Variants in STAG1 observed in about 807,000 individuals in gnomAD.
STAG1 encodes cohesin subunit SA-1.
Under a neutral mutation model 170.9 loss-of-function variants are expected in STAG1, and 26 were observed. That is an observed-to-expected ratio of 0.15 (90% CI 0.11 to 0.21). The LOEUF is 0.21. Among genes scored for constraint, STAG1 ranks in the 10% least tolerant of loss-of-function variants. The pLI, the probability that STAG1 is intolerant of heterozygous loss-of-function variation, is 1.00. For synonymous variants in STAG1, 514 were observed against 497.7 expected, an observed-to-expected ratio of 1.03 and a Z score of -0.44; for missense variants, 964 against 1,509.5, an observed-to-expected ratio of 0.64 and a Z score of 5.99.
intron 5 of STAG1, among the ~76,000 whole-genome samples, chr3:136,563,576 C>T (rs758222770): frequency 3.3e-5 from 5 of 150,206 alleles, no homozygotes; most frequent in South Asian, 4.2e-4. Context: ...TAACCAATCT[C>T]GTTACCGTCA....
chr3:136,476,104 G>C (rs771742688), intron 10 of STAG1, among the ~76,000 whole-genome samples: 2 of 152,158 alleles, frequency 1.3e-5, no homozygotes, highest in Admixed American at 6.5e-5. Flanking sequence ...TGAAAATATG[G>C]CTCATGCCCA....
intron 1 of STAG1, among the ~76,000 whole-genome samples, chr3:136,640,740 T>C (rs1940762305): frequency 1.3e-5 from 2 of 150,596 alleles, no homozygotes; most frequent in Non-Finnish European, 1.5e-5. Context: ...TGGCGCGATT[T>C]TGGCTTGCTG....
At chr3:136,526,269 C>G (rs996934540) in intron 6 of STAG1, among the ~76,000 whole-genome samples, 1 of 152,172 alleles carries the variant, frequency 6.6e-6, no homozygotes, top group African/African-American at 2.4e-5. Context: ...CCTTATGAAT[C>G]TGGGTGCTCC....
intron 7 of STAG1, among the ~76,000 whole-genome samples, chr3:136,520,256 T>C (rs1034735895): frequency 1.3e-5 from 2 of 152,136 alleles, no homozygotes; most frequent in African/African-American, 4.8e-5. Flanking sequence ...ACAAGCTCTG[T>C]AGGTGATTCT....
At chr3:136,744,785 C>A (rs1369030553) in intron 1 of STAG1, among the ~76,000 whole-genome samples, 1 of 151,012 alleles carries the variant, frequency 6.6e-6, no homozygotes, top group African/African-American at 2.4e-5. Flanking sequence ...AAGCAATTCT[C>A]GTGCCTCAGC....
At chr3:136,448,610 A>G (rs2088851718) in intron 14 of STAG1, among the ~76,000 whole-genome samples, 5 of 152,174 alleles carry the variant, frequency 3.3e-5, no homozygotes, top group Admixed American at 3.3e-4. Context: ...GGGTGGGGAC[A>G]GGGCCAAACC....
intron 1 of STAG1, among the ~76,000 whole-genome samples, chr3:136,703,930 T>C (rs550867615): frequency 6.6e-6 from 1 of 151,990 alleles, no homozygotes; most frequent in African/African-American, 2.4e-5. Context: ...GAGAATCGCT[T>C]GAACCTGGGA....
At chr3:136,598,401 A>T (rs1338033912) in intron 4 of STAG1, among the ~76,000 whole-genome samples, 1 of 151,806 alleles carries the variant, frequency 6.6e-6, no homozygotes, top group South Asian at 2.1e-4. Context: ...ACAACTCTGT[A>T]TATCTCCTCT....
chr3:136,686,083 G>C (rs1056563294), intron 1 of STAG1, among the ~76,000 whole-genome samples: 1 of 152,160 alleles, frequency 6.6e-6, no homozygotes, highest in African/African-American at 2.4e-5. Context: ...GGTTTTAGCA[G>C]CTACTAGGCA....
chr3:136,396,989 G>A (rs1157767161), intron 22 of STAG1, among the ~76,000 whole-genome samples: 4 of 152,056 alleles, frequency 2.6e-5, no homozygotes, highest in African/African-American at 9.7e-5. Flanking sequence ...CTTTCTAAAT[G>A]CAGAGATCCT....
At chr3:136,341,606 T>C in intron 30 of STAG1, 55 bp from the exon 31 acceptor site, 2 of 1,216,392 alleles carry the variant, frequency 1.6e-6, no homozygotes, top group Non-Finnish European at 1.2e-6. Context: ...ATTTAGCTAA[T>C]GAGCCCCAAG....
intron 15 of STAG1, among the ~76,000 whole-genome samples, chr3:136,438,315 C>G (rs1328246875): frequency 6.6e-6 from 1 of 150,408 alleles, no homozygotes; most frequent in African/African-American, 2.4e-5. Context: ...TCTTGCCTGC[C>G]GGGTTCCTGT....
At chr3:136,647,815 C>T (rs1250489959) in intron 1 of STAG1, among the ~76,000 whole-genome samples, 1 of 152,074 alleles carries the variant, frequency 6.6e-6, no homozygotes, top group Non-Finnish European at 1.5e-5. Context: ...TTGCTTCTAC[C>T]TTCTCATTTT....
intron 1 of STAG1, among the ~76,000 whole-genome samples, chr3:136,670,608 T>C (rs377558258): frequency 3.9e-4 from 59 of 151,922 alleles, no homozygotes; most frequent in African/African-American, 1.3e-3. Context: ...TCCTGAAGAG[T>C]AGGGATTACA....
chr3:136,498,408 A>G (rs1933279953), intron 9 of STAG1, among the ~76,000 whole-genome samples: 1 of 150,794 alleles, frequency 6.6e-6, no homozygotes, highest in Admixed American at 6.6e-5. Context: ...AAAAACCCAG[A>G]TATGTTGCAT....
chr3:136,681,070 G>A (rs747169522), intron 1 of STAG1, among the ~76,000 whole-genome samples: 1 of 152,024 alleles, frequency 6.6e-6, no homozygotes, highest in Non-Finnish European at 1.5e-5. Context: ...TTGTTGTATT[G>A]TTTAGGAAAT....
At position 136,398,619 on chromosome 3, in the gene STAG1, T is replaced by C. The variant is rs538895792; in HGVS notation, c.2277+130A>G. On this transcript the variant is annotated intron_variant, in intron 22 of 33. Coordinates refer to ENST00000383202, the MANE Select transcript of STAG1 (RefSeq NM_005862.3). Reference sequence around the variant, plus strand: ...CATAAGATAAACCAAGAACTGGTAATAGTCATATATTTTATTAAATATTAC... The same window carrying C: ...CATAAGATAAACCAAGAACTGGTAACAGTCATATATTTTATTAAATATTAC... The C allele has an allele frequency of 7.7e-5, 29 of 375,938 alleles. No homozygotes were observed. The East Asian group carries it at 2.2e-3, about 28-fold the overall frequency. The allele number at this position is 375,938 out of a possible 1,614,324, so 23.3% of individuals were successfully genotyped here. A position where few individuals can be genotyped will look rare whatever the true frequency, so the allele number is the denominator to read the frequency against.
In STAG1 at chr3:136,464,859, T is replaced by A. The variant is rs150959810; in HGVS notation, c.1313+22A>T. The A allele has an allele frequency of 2.5e-6, 4 of 1,590,858 alleles. No individual in the cohort carries two copies. In the African/African-American group the frequency reaches 4.0e-5, roughly 16 times the overall value. The stretch of plus-strand genomic sequence containing the variant: ...AAACAACATAGAAAAGTAGAACCGG[T>A]TTTCAAAGATAATTAGCTCACTTTT... On this transcript the variant is annotated intron_variant, in intron 13 of 33. Coordinates refer to ENST00000383202, the MANE Select transcript of STAG1 (RefSeq NM_005862.3).
At chr3:136,637,617 G>A (rs1940621482) in intron 1 of STAG1, among the ~76,000 whole-genome samples, 1 of 152,086 alleles carries the variant, frequency 6.6e-6, no homozygotes, top group South Asian at 2.1e-4. Flanking sequence ...AATTACCTGA[G>A]TTCTCATACC....
Sources: allele counts gnomAD v4.1 joint callset (sites outside exome capture counted in the v4.1 genomes callset), GRCh38; gene constraint gnomAD v4.1.1; transcripts MANE v1.5; gene names NCBI Gene and HGNC (gene_info 2026-07-23, HGNC 2026-07-21).